The following RNF13 variants were observed in gnomAD, a reference collection of about 807,000 sequenced individuals.
RNF13 encodes ring finger protein 13.
In RNF13, 19 loss-of-function variants were observed where a neutral mutation model predicts 37.7. That is an observed-to-expected ratio of 0.50 (90% CI 0.35 to 0.74). The LOEUF (loss-of-function observed/expected upper bound fraction) is 0.74. Among genes scored for constraint, RNF13 ranks in the 30% least tolerant of loss-of-function variants. RNF13 has a pLI of 0.01. For missense variants in RNF13, 375 were observed against 453.0 expected (o/e 0.83, Z 1.56); for synonymous variants, 144 against 157.8 (o/e 0.91, Z 0.65).
chr3:149,851,241 A>G (rs1723092164), intron 2 of RNF13: 1 of 152,218 alleles, frequency 6.6e-6, no homozygotes, highest in South Asian at 2.1e-4. Flanking sequence ...TCCTGCTGAC[A>G]GTGTGGTATG....
intron 1 of RNF13, among the ~76,000 whole-genome samples, chr3:149,832,067 G>C (rs1448802245): frequency 6.6e-6 from 1 of 152,082 alleles, no homozygotes; most frequent in Non-Finnish European, 1.5e-5. Context: ...GCTTGGTACA[G>C]TATATATTCT....
chr3:149,915,818 G>A (rs563060884), intron 7 of RNF13, among the ~76,000 whole-genome samples: 1 of 152,242 alleles, frequency 6.6e-6, no homozygotes, highest in East Asian at 1.9e-4. Flanking sequence ...AAACTAGAAT[G>A]GTGGTTGCCA....
intron 1 of RNF13, among the ~76,000 whole-genome samples, chr3:149,829,654 C>T (rs952870738): frequency 3.9e-5 from 6 of 152,044 alleles, no homozygotes; most frequent in Non-Finnish European, 1.5e-5. Flanking sequence ...AAGAGAAGCC[C>T]TATTATTGTT....
At chr3:149,949,817 G>A (rs777293473) in intron 8 of RNF13, among the ~76,000 whole-genome samples, 3 of 149,896 alleles carry the variant, frequency 2.0e-5, no homozygotes, top group Non-Finnish European at 4.4e-5. Context: ...TAACTTCCTG[G>A]ATCTGTGGTG....
rs1255889293 is a variant in RNF13 at position 149,912,077 on chromosome 3, T to C, written c.600T>C (p.Ile200=). ...GCATCTGTCTCATCTTGATAGTCAT[T>C]TTCATGGTAGGTACATTAACTTTTA... is the stretch of plus-strand genomic sequence containing the variant. ...IVGICLILIV[I]FMITKFVQDR... The change falls in exon 7 of 10, where the codon ATT becomes ATC. Residue 200 remains isoleucine, a synonymous_variant. Transcript: ENST00000392894. 2.0e-6 allele frequency: 3 copies of C among 1,473,086 alleles called. No individual in the cohort carries two copies. Among genetic ancestry groups the C allele is most frequent in the Non-Finnish European group, 2.8e-6 (3 of 1,054,844 alleles). The allele number at this position is 1,473,086 out of a possible 1,614,324, so 91.3% of individuals were successfully genotyped here.
At chr3:149,930,418 C>T (rs1185605521) in intron 8 of RNF13, among the ~76,000 whole-genome samples, 1 of 152,130 alleles carries the variant, frequency 6.6e-6, no homozygotes. Flanking sequence ...AGTTGGGCAT[C>T]CCACTTGGTC....
At chr3:149,934,366 T>C (rs1342623323) in intron 8 of RNF13, among the ~76,000 whole-genome samples, 1 of 151,336 alleles carries the variant, frequency 6.6e-6, no homozygotes, top group Non-Finnish European at 1.5e-5. Context: ...CTCTGATCTG[T>C]ATTATTTCTT....
In RNF13 at chr3:149,827,593, G is replaced by A. The variant is rs546664134; in HGVS notation, c.-17+14240G>A. ...ATACATCCATAAAATAAAGATTCCT[G>A]TCTTTGAGGAGCATATGTTTTTGTG... On this transcript the variant is annotated intron_variant, in intron 1 of 9. Transcript: ENST00000392894. Among the ~76,000 whole-genome samples the A allele has an allele frequency of 3.3e-5, 5 of 152,166 alleles. No homozygotes were observed. The East Asian group carries it at 9.6e-4, about 29-fold the overall frequency.
chr3:149,845,964 C>T (rs1399266973), intron 1 of RNF13, 47 bp from the exon 2 acceptor site: 5 of 1,027,704 alleles, frequency 4.9e-6, no homozygotes, highest in African/African-American at 1.6e-5. Flanking sequence ...GATCTATTCC[C>T]TGGGACAAAG....
At chr3:149,825,647 A>G (rs1305149415) in intron 1 of RNF13, among the ~76,000 whole-genome samples, 1 of 152,102 alleles carries the variant, frequency 6.6e-6, no homozygotes, top group African/African-American at 2.4e-5. Context: ...GTGTGCTGCA[A>G]CCACACCTGC....
At chr3:149,896,721 C>T (rs986456557) in intron 5 of RNF13, among the ~76,000 whole-genome samples, 3 of 152,056 alleles carry the variant, frequency 2.0e-5, no homozygotes, top group African/African-American at 2.4e-5. Flanking sequence ...TCAGGTGATC[C>T]GCCCACCTCA....
intron 3 of RNF13, among the ~76,000 whole-genome samples, chr3:149,863,733 A>G (rs1189144937): frequency 1.3e-5 from 2 of 152,178 alleles, no homozygotes; most frequent in Non-Finnish European, 2.9e-5. Context: ...TTAAGTTTTC[A>G]TGGATTTACT....
At chr3:149,858,864 A>G (rs1723928527) in intron 3 of RNF13, among the ~76,000 whole-genome samples, 1 of 152,206 alleles carries the variant, frequency 6.6e-6, no homozygotes, top group Non-Finnish European at 1.5e-5. Context: ...AAGTTAATTT[A>G]CCAGTTAATT....
chr3:149,879,307 A>ATTTTTTTT (rs3028508), intron 4 of RNF13, among the ~76,000 whole-genome samples: 1 of 137,430 alleles, frequency 7.3e-6, no homozygotes, highest in African/African-American at 2.7e-5. Context: ...TTATCAGGTA[A>ATTTTTTTT]TTTTTTTTTT....
intron 3 of RNF13, among the ~76,000 whole-genome samples, chr3:149,856,892 C>T (rs1410282879): frequency 2.0e-5 from 3 of 151,848 alleles, no homozygotes; most frequent in African/African-American, 4.8e-5. Flanking sequence ...GGACTACAGG[C>T]GCCCGCCACT....
At position 149,962,081 on chromosome 3, in the gene RNF13, C is replaced by T. The variant is rs1283339665; in HGVS notation, c.*977C>T. The stretch of plus-strand genomic sequence containing the variant: ...AAAATGCTAAGGATTTTTATATGGC[C>T]TTGTATGAGGGGAGTTTGAATGTTA... On this transcript the variant is annotated 3_prime_UTR_variant, in exon 10 of 10. Coordinates refer to ENST00000392894, the MANE Select transcript of RNF13 (RefSeq NM_183381.3). 1.3e-5 allele frequency: 2 copies of T among 152,496 alleles called. No homozygotes were observed. Among genetic ancestry groups the T allele is most frequent in the African/African-American group, 4.8e-5 (2 of 41,416 alleles). The allele number at this position is 152,496 out of a possible 1,614,324, so 9.4% of individuals were successfully genotyped here.
At chr3:149,866,950 A>G (rs1711498493) in intron 3 of RNF13, among the ~76,000 whole-genome samples, 1 of 152,138 alleles carries the variant, frequency 6.6e-6, no homozygotes, top group Non-Finnish European at 1.5e-5. Context: ...AAGATATGGT[A>G]TATTCTGAAA....
chr3:149,914,825 C>A (rs897604518), intron 7 of RNF13, among the ~76,000 whole-genome samples: 9 of 151,886 alleles, frequency 5.9e-5, no homozygotes, highest in Non-Finnish European at 1.0e-4. Context: ...ATAATCCCAG[C>A]TACTCGGGAG....
intron 8 of RNF13, among the ~76,000 whole-genome samples, chr3:149,950,496 C>T (rs767586762): frequency 1.3e-5 from 2 of 151,990 alleles, no homozygotes; most frequent in Admixed American, 6.6e-5. Flanking sequence ...TAGGACAGAG[C>T]GAAGCTCTCA....
Sources: allele counts gnomAD v4.1 joint callset (sites outside exome capture counted in the v4.1 genomes callset), GRCh38; gene constraint gnomAD v4.1.1; transcripts MANE v1.5; gene names NCBI Gene and HGNC (gene_info 2026-07-23, HGNC 2026-07-21).